The following PNPLA8 variants were observed in gnomAD, a reference collection of about 807,000 sequenced individuals.
PNPLA8 encodes calcium-independent phospholipase A2-gamma.
A neutral mutation model predicts 76.9 loss-of-function variants in PNPLA8; 39 were observed. The observed-to-expected ratio is 0.51, with a 90% confidence interval of 0.39 to 0.66. PNPLA8 has a LOEUF of 0.66. PNPLA8 is among the 30% of genes least tolerant of loss of function. PNPLA8 has a pLI of 0.00. For synonymous variants in PNPLA8, 301 were observed against 307.9 expected (o/e 0.98, Z 0.24); for missense variants, 887 against 918.0 (o/e 0.97, Z 0.44).
upstream of PNPLA8, chr7:108,526,155 C>T: frequency 1.1e-6 from 1 of 906,002 alleles, no homozygotes; most frequent in Non-Finnish European, 1.3e-6. Context: ...GCTAGGTCGC[C>T]ACCCACTCAG....
chr7:108,512,917 C>T lies in PNPLA8; in HGVS notation c.1206+1227G>A, dbSNP rs1003656952. ...AGACTATTTAAACTGCAACTGAAAA[C>T]TACTCAGAAATCCATCAGTAGTACA... On this transcript the variant is annotated intron_variant, in intron 4 of 10. Coordinates refer to ENST00000257694, the MANE Select transcript of PNPLA8 (RefSeq NM_001256007.3). Among the ~76,000 whole-genome samples, 3 of 152,114 alleles carry T rather than the reference C, an allele frequency of 2.0e-5. No homozygotes were observed. The East Asian group carries it at 5.8e-4, about 29-fold the overall frequency.
Position 108,514,721 on chromosome 7 carries a change from C to T in PNPLA8, c.771G>A (p.Lys257=). The T allele has an allele frequency of 6.2e-7, 1 of 1,613,990 alleles. No homozygotes were observed. The highest frequency in any genetic ancestry group is 8.5e-7 in the Non-Finnish European group (1 of 1,179,902). The stretch of plus-strand genomic sequence containing the variant: ...CCGTATGTACAGATTCTGAGCCTGG[C>T]TTATAAGCCAGGATGCCAGGATCTG... ...RSPDPGILAY[K]PGSESVHTVD... The change falls in exon 3 of 11, where the codon AAG becomes AAA. Residue 257 remains lysine, a synonymous_variant. Transcript: ENST00000257694.
At position 108,514,222 on chromosome 7, in the gene PNPLA8, T is replaced by G; in HGVS notation, c.1128A>C (p.Pro376=). 1 of 1,609,618 alleles carries G rather than the reference T, an allele frequency of 6.2e-7. No individual in the cohort carries two copies. Among genetic ancestry groups the G allele is most frequent in the Non-Finnish European group, 8.5e-7 (1 of 1,175,882 alleles). The change falls in exon 4 of 11, where the codon CCA becomes CCC. Residue 376 remains proline (P), a synonymous_variant. Coordinates refer to ENST00000257694, the MANE Select transcript of PNPLA8 (RefSeq NM_001256007.3). ...CTTCAACCCTAGTAATGCAGAGCTT[T>G]GGGTCAGTTGTTCTTCTTAATGCCT... is the stretch of plus-strand genomic sequence containing the variant. The part of the protein sequence containing the change: ...LVQALRRTTD[P]KLCITRVEEL...
chr7:108,496,175 C>T (rs1861533095), intron 7 of PNPLA8, among the ~76,000 whole-genome samples: 1 of 152,048 alleles, frequency 6.6e-6, no homozygotes, highest in Non-Finnish European at 1.5e-5. Flanking sequence ...GTTGAGGCTG[C>T]AGTGAGCCAA....
intron 4 of PNPLA8, chr7:108,511,083 T>G: frequency 1.5e-6 from 1 of 659,274 alleles, no homozygotes; most frequent in Non-Finnish European, 2.5e-6. Flanking sequence ...TAAATACAAA[T>G]AAATTAAGCA....
At chr7:108,509,480 C>T (rs1240001957) in intron 4 of PNPLA8, among the ~76,000 whole-genome samples, 3 of 148,232 alleles carry the variant, frequency 2.0e-5, no homozygotes, top group East Asian at 2.0e-4. Context: ...CAATGAGATA[C>T]CATCTCACAC....
intron 10 of PNPLA8, among the ~76,000 whole-genome samples, chr7:108,473,595 G>A (rs1218980703): frequency 1.3e-5 from 2 of 152,172 alleles, no homozygotes; most frequent in African/African-American, 4.8e-5. Flanking sequence ...TTGCATTATA[G>A]AGGTAGTGGT....
intron 4 of PNPLA8, among the ~76,000 whole-genome samples, chr7:108,511,683 G>C (rs1304377367): frequency 6.6e-6 from 1 of 152,178 alleles, no homozygotes; most frequent in Non-Finnish European, 1.5e-5. Flanking sequence ...TGGAGAAATA[G>C]TCAGATGCAA....
intron 7 of PNPLA8, among the ~76,000 whole-genome samples, chr7:108,492,020 A>T (rs1861205680): frequency 6.6e-6 from 1 of 152,234 alleles, no homozygotes; most frequent in Non-Finnish European, 1.5e-5. Flanking sequence ...AATTACTATG[A>T]CATTACAGAA....
chr7:108,524,182 A>G (rs1264358155), intron 1 of PNPLA8, among the ~76,000 whole-genome samples: 1 of 152,242 alleles, frequency 6.6e-6, no homozygotes, highest in Non-Finnish European at 1.5e-5. Flanking sequence ...CAGTAATAAT[A>G]CATGACTATT....
At chr7:108,480,498 G>A (rs1036782802) in intron 9 of PNPLA8, among the ~76,000 whole-genome samples, 1 of 152,122 alleles carries the variant, frequency 6.6e-6, no homozygotes, top group African/African-American at 2.4e-5. Flanking sequence ...CTGAGTACAC[G>A]GAAAGGCATT....
chr7:108,480,815 G>A (rs534346478), intron 9 of PNPLA8: 7 of 295,388 alleles, frequency 2.4e-5, no homozygotes, highest in South Asian at 2.0e-4. Context: ...ATAGATTTGT[G>A]TAAATATTAC....
intron 4 of PNPLA8, among the ~76,000 whole-genome samples, chr7:108,511,736 C>A (rs1487333211): frequency 6.6e-6 from 1 of 152,096 alleles, no homozygotes; most frequent in Non-Finnish European, 1.5e-5. Flanking sequence ...TAATCAGTTA[C>A]ATAAATAACA....
At position 108,515,254 on chromosome 7, in the gene PNPLA8, G is replaced by A; in HGVS notation, c.238C>T (p.His80Tyr). ...GTGCTAAGTTTCAAAATCCCAATAT[G>A]TAAACCATGGTTGCTTGGAGAGTAA... ...HCYSPSNHGLHIGILKLSTSA... is the reference protein window; with the variant it reads ...HCYSPSNHGLYIGILKLSTSA... Residue 80 changes from histidine (H) to tyrosine (Y), a missense_variant, in exon 3 of 11, where the codon CAT (histidine) becomes TAT (tyrosine). Physicochemically the swap from His to Tyr is moderately conservative, Grantham distance 83. Transcript: ENST00000257694. 6.2e-7 allele frequency: 1 copy of A among 1,603,032 alleles called. No individual in the cohort carries two copies. Among genetic ancestry groups the A allele is most frequent in the Non-Finnish European group, 8.5e-7 (1 of 1,174,050 alleles).
chr7:108,489,674 A>G (rs1860999263), intron 8 of PNPLA8, among the ~76,000 whole-genome samples: 2 of 152,238 alleles, frequency 1.3e-5, no homozygotes, highest in Non-Finnish European at 1.5e-5. Flanking sequence ...CAGTGGGTGT[A>G]TAATTAATAC....
chr7:108,511,025 C>T (rs1190297686), intron 4 of PNPLA8: 17 of 783,606 alleles, frequency 2.2e-5, no homozygotes, highest in Non-Finnish European at 2.6e-5. Flanking sequence ...ATAAACAGTA[C>T]CTGCTCTCAA....
At chr7:108,521,298 T>C (rs1486518326) in intron 2 of PNPLA8, among the ~76,000 whole-genome samples, 178 bp downstream of exon 2, 1 of 152,194 alleles carries the variant, frequency 6.6e-6, no homozygotes, top group Non-Finnish European at 1.5e-5. Context: ...ACTCCAGCTA[T>C]GTGCTAGCTA....
intron 7 of PNPLA8, 173 bp downstream of exon 7, chr7:108,496,411 T>G (rs758612557): frequency 2.2e-6 from 1 of 461,320 alleles, no homozygotes; most frequent in Non-Finnish European, 3.7e-6. Context: ...TAAACTATGA[T>G]TCACCAAAAT....
rs550944674 is a variant in PNPLA8, at chr7:108,475,828, T to C, written c.2075-3153A>G. On this transcript the variant is annotated intron_variant, in intron 10 of 10. Transcript: ENST00000257694. ...TCTCCTTTCAGAGATCGCTGTCCTA[T>C]GTTACCTGTTTTCTCATGTCTGAAA... 5.0e-4 allele frequency among the ~76,000 whole-genome samples: 76 copies of C among 152,310 alleles called. 1 individual carries two copies. The highest frequency in any genetic ancestry group is 1.8e-3 in the African/African-American group (75 of 41,574).
Sources: gnomAD v4.1 joint callset for allele counts (sites outside exome capture counted in the v4.1 genomes callset) on GRCh38, gnomAD v4.1.1 for gene constraint, MANE v1.5 for transcripts, NCBI Gene and HGNC (gene_info 2026-07-23, HGNC 2026-07-21) for gene names.